The following LRRC1 variants were observed in gnomAD, a reference collection of about 807,000 sequenced individuals.
The protein encoded by LRRC1 is leucine rich repeat containing 1, also known as leucine-rich repeat-containing protein 1.
A neutral mutation model predicts 69.9 loss-of-function variants in LRRC1; 28 were observed. The ratio of observed to expected loss-of-function variants is 0.40; its 90% CI spans 0.30 to 0.55. The LOEUF is 0.55. Among genes scored for constraint, LRRC1 ranks in the 20% least tolerant of loss-of-function variants. The pLI, the probability that LRRC1 is intolerant of heterozygous loss-of-function variation, is 0.47. For synonymous variants in LRRC1, 236 were observed against 240.2 expected, an observed-to-expected ratio of 0.98 and a Z score of 0.16; for missense variants, 498 against 609.0, an observed-to-expected ratio of 0.82 and a Z score of 1.92.
Position 53,879,475 on chromosome 6 carries a change from G to A in LRRC1, c.356+404G>A, listed in dbSNP as rs370143457. 5.9e-5 allele frequency among the ~76,000 whole-genome samples: 9 copies of A among 152,008 alleles called. No individual in the cohort carries two copies. The South Asian group carries it at 6.3e-4, about 11-fold the overall frequency. ...TAATTTTTGTATTTTTAGTAGAGAC[G>A]GGGTTTCACCATATTGGCCAGGATG... On this transcript the variant is annotated intron_variant, in intron 3 of 13. Coordinates refer to ENST00000370888, the MANE Select transcript of LRRC1 (RefSeq NM_018214.5).
intron 8 of LRRC1, among the ~76,000 whole-genome samples, chr6:53,900,898 T>G (rs1768037422): frequency 6.6e-6 from 1 of 152,200 alleles, no homozygotes; most frequent in African/African-American, 2.4e-5. Context: ...ATGCAGAACA[T>G]CACATCAAAA....
chr6:53,848,667 G>A (rs958996390), intron 2 of LRRC1, among the ~76,000 whole-genome samples: 2 of 152,008 alleles, frequency 1.3e-5, no homozygotes, highest in African/African-American at 2.4e-5. Flanking sequence ...GTAAACTGCC[G>A]TTCCTCTTTA....
At chr6:53,855,115 A>G (rs571082152) in intron 2 of LRRC1, among the ~76,000 whole-genome samples, 1 of 152,222 alleles carries the variant, frequency 6.6e-6, no homozygotes, top group Non-Finnish European at 1.5e-5. Context: ...ACCCAGGGCC[A>G]TGTAGGTACA....
chr6:53,815,084 TAC>T (rs1316252442), intron 1 of LRRC1, among the ~76,000 whole-genome samples: 2 of 144,332 alleles, frequency 1.4e-5, no homozygotes, highest in African/African-American at 2.6e-5. Context: ...TTTTAAAAAA[TAC>T]AGATTCTAGA....
intron 1 of LRRC1, among the ~76,000 whole-genome samples, chr6:53,817,326 A>T (rs946015635): frequency 2.6e-5 from 4 of 152,154 alleles, no homozygotes; most frequent in Admixed American, 1.3e-4. Context: ...TTGACAGATT[A>T]TAGTTGTATA....
intron 2 of LRRC1, among the ~76,000 whole-genome samples, chr6:53,869,621 A>G (rs1263226154): frequency 3.3e-5 from 5 of 152,172 alleles, no homozygotes; most frequent in Non-Finnish European, 7.3e-5. Flanking sequence ...TTCAGGACCT[A>G]TGGACTGCGT....
chr6:53,859,102 A>G (rs922173864), intron 2 of LRRC1, among the ~76,000 whole-genome samples: 1 of 152,226 alleles, frequency 6.6e-6, no homozygotes, highest in African/African-American at 2.4e-5. Context: ...AAACACGGTC[A>G]TATCCCTAGA....
At chr6:53,919,462 T>G (rs1290649728) in intron 11 of LRRC1, 36 bp from the exon 12 acceptor site, 2 of 1,436,124 alleles carry the variant, frequency 1.4e-6, no homozygotes, top group African/African-American at 3.1e-5. Context: ...TTTGAGGTTG[T>G]GATGTCTCTT....
At chr6:53,813,132 GA>G (rs1038421624) in intron 1 of LRRC1, among the ~76,000 whole-genome samples, 1 of 152,134 alleles carries the variant, frequency 6.6e-6, no homozygotes, top group Non-Finnish European at 1.5e-5. Flanking sequence ...TGGGCAGAAA[GA>G]AAAATGGAAC....
chr6:53,819,987 G>A (rs928489454), intron 1 of LRRC1, among the ~76,000 whole-genome samples: 3 of 152,166 alleles, frequency 2.0e-5, no homozygotes, highest in Non-Finnish European at 4.4e-5. Context: ...ATCCATCCCA[G>A]CATGTTCATG....
chr6:53,889,082 T>A (rs1767590022), intron 4 of LRRC1, among the ~76,000 whole-genome samples: 1 of 152,190 alleles, frequency 6.6e-6, no homozygotes, highest in Admixed American at 6.5e-5. Flanking sequence ...GATATGCAGA[T>A]AACCAATAAG....
At position 53,858,096 on chromosome 6, in the gene LRRC1, C is replaced by T. The variant is rs546728384; in HGVS notation, c.277+15869C>T. On this transcript the variant is annotated intron_variant, in intron 2 of 13. Coordinates refer to ENST00000370888, the MANE Select transcript of LRRC1 (RefSeq NM_018214.5). ...GTAGCTAGTCACCAATTATCTCCTT[C>T]TGGAGTCTGGTCGTTGGCCATGGTT... Among the ~76,000 whole-genome samples the T allele has an allele frequency of 4.6e-5, 7 of 152,288 alleles. No individual in the cohort carries two copies. In the East Asian group the frequency reaches 1.4e-3, roughly 29 times the overall value.
chr6:53,830,944 A>ACAGTT (rs199784563), intron 1 of LRRC1, among the ~76,000 whole-genome samples: 1 of 146,222 alleles, frequency 6.8e-6, no homozygotes, highest in East Asian at 2.0e-4. Flanking sequence ...TAGTTATTAT[A>ACAGTT]ATTTTATATA....
chr6:53,829,775 G>A (rs1475900815), intron 1 of LRRC1, among the ~76,000 whole-genome samples: 1 of 152,204 alleles, frequency 6.6e-6, no homozygotes, highest in African/African-American at 2.4e-5. Context: ...AGCTTACCGA[G>A]AACGGATTGT....
chr6:53,851,683 A>G (rs1334495274), intron 2 of LRRC1, among the ~76,000 whole-genome samples: 3 of 152,108 alleles, frequency 2.0e-5, no homozygotes, highest in South Asian at 2.1e-4. Flanking sequence ...TAACCATCAC[A>G]CCTAGTAAAC....
chr6:53,801,964 A>T (rs1210922237), intron 1 of LRRC1, among the ~76,000 whole-genome samples: 1 of 152,254 alleles, frequency 6.6e-6, no homozygotes, highest in Non-Finnish European at 1.5e-5. Context: ...AGCTTGGCAA[A>T]TGCAGAAACT....
chr6:53,849,435 G>A (rs1766057026), intron 2 of LRRC1, among the ~76,000 whole-genome samples: 1 of 152,208 alleles, frequency 6.6e-6, no homozygotes, highest in Non-Finnish European at 1.5e-5. Flanking sequence ...TAGGTATCAG[G>A]TTGATGGTTT....
At chr6:53,836,555 A>T (rs1765618550) in intron 1 of LRRC1, among the ~76,000 whole-genome samples, 1 of 152,194 alleles carries the variant, frequency 6.6e-6, no homozygotes, top group African/African-American at 2.4e-5. Flanking sequence ...TAATATTATT[A>T]ACTTTGATGA....
At chr6:53,871,408 G>A (rs1009498413) in intron 2 of LRRC1, among the ~76,000 whole-genome samples, 1 of 151,910 alleles carries the variant, frequency 6.6e-6, no homozygotes, top group Non-Finnish European at 1.5e-5. Context: ...CATTTTTTTC[G>A]TGTACTTGTT....
Sources: allele counts gnomAD v4.1 joint callset (sites outside exome capture counted in the v4.1 genomes callset), GRCh38; gene constraint gnomAD v4.1.1; transcripts MANE v1.5; gene names NCBI Gene and HGNC (gene_info 2026-07-23, HGNC 2026-07-21).